Variants in SPTBN4 observed in about 807,000 individuals in gnomAD.
The protein encoded by SPTBN4 is spectrin beta, non-erythrocytic 4.
In SPTBN4, 96 loss-of-function variants were observed where a neutral mutation model predicts 277.8. The ratio of observed to expected loss-of-function variants is 0.35; its 90% CI spans 0.29 to 0.41. The LOEUF is 0.41. Ranked by LOEUF, SPTBN4 falls within the 10% of genes least tolerant of loss-of-function variation. The pLI, the probability that SPTBN4 is intolerant of heterozygous loss-of-function variation, is 1.00. For missense variants in SPTBN4, 3,006 were observed against 3,595.7 expected, an observed-to-expected ratio of 0.84 and a Z score of 4.19; for synonymous variants, 1,481 against 1,580.3, an observed-to-expected ratio of 0.94 and a Z score of 1.49.
In SPTBN4 at chr19:40,541,777, C is replaced by T. The variant is rs187087383; in HGVS notation, c.4360-7412C>T. Among the ~76,000 whole-genome samples the T allele has an allele frequency of 1.0e-3, 156 of 152,290 alleles. 1 individual carries two copies. Among genetic ancestry groups the T allele is most frequent in the African/African-American group, 3.6e-3 (149 of 41,552 alleles). Reference sequence around the variant, plus strand: ...TTATTTATTTTGAGACAGAATCTTACTCTGTCACCCAGGCTGGAGTGCAGT... The same window carrying T: ...TTATTTATTTTGAGACAGAATCTTATTCTGTCACCCAGGCTGGAGTGCAGT... On this transcript the variant is annotated intron_variant, in intron 20 of 35. Coordinates refer to ENST00000598249, the MANE Select transcript of SPTBN4 (RefSeq NM_020971.3).
chr19:40,561,070 G>A (rs1457285975), intron 27 of SPTBN4, among the ~76,000 whole-genome samples: 1 of 152,158 alleles, frequency 6.6e-6, no homozygotes, highest in East Asian at 1.9e-4. Context: ...CTGGAGTGCA[G>A]TGGCACAATA....
At chr19:40,548,276 T>G (rs986526860) in intron 20 of SPTBN4, among the ~76,000 whole-genome samples, 6 of 152,194 alleles carry the variant, frequency 3.9e-5, no homozygotes, top group African/African-American at 1.4e-4. Flanking sequence ...TCACTTGAGG[T>G]TATGAGTTTG....
chr19:40,549,514 C>A, intron 21 of SPTBN4, 101 bp downstream of exon 21: 1 of 929,418 alleles, frequency 1.1e-6, no homozygotes, highest in Non-Finnish European at 1.5e-6. Context: ...TGAGACCCTC[C>A]CACTCATACG....
intron 29 of SPTBN4, 25 bp from the exon 30 acceptor site, chr19:40,566,138 C>A (rs958879266): frequency 6.8e-7 from 1 of 1,474,226 alleles, no homozygotes. Context: ...GCCCCAGAAT[C>A]CTTACCCTGC....
chr19:40,495,034 G>T, intron 6 of SPTBN4, 57 bp downstream of exon 6: 1 of 1,512,036 alleles, frequency 6.6e-7, no homozygotes, highest in East Asian at 2.3e-5. Flanking sequence ...TATCCCTGCA[G>T]CTGCACACCT....
intron 15 of SPTBN4, among the ~76,000 whole-genome samples, chr19:40,516,446 G>T (rs911644452): frequency 2.6e-5 from 4 of 151,858 alleles, no homozygotes; most frequent in African/African-American, 9.7e-5. Context: ...GGGACTACAG[G>T]TGCATATCAC....
intron 12 of SPTBN4, among the ~76,000 whole-genome samples, chr19:40,504,851 CA>C (rs113849503): frequency 1.4e-5 from 2 of 147,932 alleles, no homozygotes; most frequent in South Asian, 2.1e-4. Flanking sequence ...GATTCTGTTT[CA>C]AAAAAAAAGA....
chr19:40,507,491 G>A (rs2080343318), intron 13 of SPTBN4, among the ~76,000 whole-genome samples: 1 of 151,518 alleles, frequency 6.6e-6, no homozygotes, highest in African/African-American at 2.4e-5. Context: ...ATTGCTTGAG[G>A]CCAGGAGTTT....
At chr19:40,510,477 G>A (rs749178647) in intron 13 of SPTBN4, among the ~76,000 whole-genome samples, 2 of 152,016 alleles carry the variant, frequency 1.3e-5, no homozygotes, top group Admixed American at 6.6e-5. Context: ...GCTAATTTTT[G>A]TATTTTTGGT....
chr19:40,489,384 G>T (rs914542253), intron 3 of SPTBN4, among the ~76,000 whole-genome samples: 2 of 151,798 alleles, frequency 1.3e-5, no homozygotes, highest in Non-Finnish European at 2.9e-5. Flanking sequence ...GTGTGACGCG[G>T]AGTTTTTGTT....
intron 14 of SPTBN4, among the ~76,000 whole-genome samples, chr19:40,513,810 T>A (rs532294746): frequency 6.6e-6 from 1 of 152,244 alleles, no homozygotes; most frequent in African/African-American, 2.4e-5. Flanking sequence ...ACATGCAGAA[T>A]ACGAAGCAAA....
In SPTBN4 at chr19:40,515,488, C is replaced by A. The variant is rs1279954491; in HGVS notation, c.2903+40C>A. 13 of 1,524,952 alleles carry A rather than the reference C, an allele frequency of 8.5e-6. No homozygotes were observed. In the East Asian group the frequency reaches 3.0e-4, roughly 36 times the overall value. 94.5% of individuals were successfully genotyped at this position (1,524,952 alleles called of 1,614,324 possible). The stretch of plus-strand genomic sequence containing the variant: ...GGCTGGGAGTCCCTCCCATCCTTCC[C>A]TTCCACACTCACACAGCCATGGACA... On this transcript the variant is annotated intron_variant, in intron 15 of 35. Coordinates refer to ENST00000598249, the MANE Select transcript of SPTBN4 (RefSeq NM_020971.3). The surrounding 1 kb of genome is among the most constrained non-coding windows in gnomAD (Gnocchi z 4.1).
chr19:40,548,074 G>A (rs1268940233), intron 20 of SPTBN4, among the ~76,000 whole-genome samples: 1 of 152,060 alleles, frequency 6.6e-6, no homozygotes, highest in Non-Finnish European at 1.5e-5. Flanking sequence ...TTTCCCTTGG[G>A]GATTTGAATT....
intron 18 of SPTBN4, 55 bp downstream of exon 18, chr19:40,529,186 G>T: frequency 6.6e-7 from 1 of 1,525,486 alleles, no homozygotes; most frequent in Non-Finnish European, 9.1e-7. Flanking sequence ...CGGGAGGGAA[G>T]TGCTTCTCGG....
At chr19:40,477,728 T>G (rs2079964781) in intron 2 of SPTBN4, among the ~76,000 whole-genome samples, 1 of 151,820 alleles carries the variant, frequency 6.6e-6, no homozygotes, top group Admixed American at 6.6e-5. Flanking sequence ...AGTGGAAGAG[T>G]ATTCTAGGTA....
intron 21 of SPTBN4, 142 bp from the exon 22 acceptor site, chr19:40,550,090 AAAAAAC>A (rs2080900722): frequency 8.0e-6 from 5 of 627,854 alleles, no homozygotes; most frequent in Admixed American, 3.0e-5. Flanking sequence ...AAAGAAAAAA[AAAAAAC>A]AAAAAATGGA....
chr19:40,494,711 C>T (rs1301053328), intron 5 of SPTBN4, among the ~76,000 whole-genome samples, 186 bp from the exon 6 acceptor site: 5 of 152,054 alleles, frequency 3.3e-5, no homozygotes, highest in Admixed American at 3.3e-4. Flanking sequence ...TGTCTATCAT[C>T]TATCTGTGTA....
intron 20 of SPTBN4, among the ~76,000 whole-genome samples, chr19:40,544,853 G>T (rs975745963): frequency 6.6e-6 from 1 of 151,422 alleles, no homozygotes. Flanking sequence ...TAAGAGAGGG[G>T]GTCTAGCTGT....
At chr19:40,533,044 CCTCCT>C (rs2035543047) in intron 19 of SPTBN4, among the ~76,000 whole-genome samples, 1 of 152,150 alleles carries the variant, frequency 6.6e-6, no homozygotes, top group African/African-American at 2.4e-5. Context: ...CTTAATATAA[CCTCCT>C]CTACCAGGTT....
Sources: gnomAD v4.1 joint callset for allele counts (sites outside exome capture counted in the v4.1 genomes callset) on GRCh38, gnomAD v4.1.1 for gene constraint, Gnocchi (gnomAD v3.1) non-coding constraint, MANE v1.5 for transcripts, NCBI Gene and HGNC (gene_info 2026-07-23, HGNC 2026-07-21) for gene names.